ERG: variants seen among roughly 807,000 people sequenced by gnomAD.
The protein encoded by ERG is ETS transcription factor ERG.
In ERG, 9 loss-of-function variants were observed where a neutral mutation model predicts 55.3. The ratio of observed to expected loss-of-function variants is 0.16; its 90% CI spans 0.10 to 0.28. The LOEUF (loss-of-function observed/expected upper bound fraction) is 0.28. Among genes scored for constraint, ERG ranks in the 10% least tolerant of loss-of-function variants. The pLI, the probability that ERG is intolerant of heterozygous loss-of-function variation, is 1.00. For synonymous variants in ERG, 223 were observed against 237.3 expected, an observed-to-expected ratio of 0.94 and a Z score of 0.55; for missense variants, 434 against 631.6, an observed-to-expected ratio of 0.69 and a Z score of 3.35.
intron 1 of ERG, among the ~76,000 whole-genome samples, chr21:38,485,399 G>A (rs1568842588): frequency 1.3e-5 from 2 of 151,166 alleles, no homozygotes; most frequent in Non-Finnish European, 2.9e-5. Context: ...AAAAGTTATA[G>A]TAATCTAATA....
chr21:38,436,790 TG>T, intron 2 of ERG, among the ~76,000 whole-genome samples: 1 of 152,338 alleles, frequency 6.6e-6, no homozygotes, highest in Non-Finnish European at 1.5e-5. Flanking sequence ...CTGTTATTGC[TG>T]GGCCCTGAAC....
chr21:38,391,132 T>G, intron 8 of ERG, 90 bp from the exon 9 acceptor site: 1 of 1,106,254 alleles, frequency 9.0e-7, no homozygotes, highest in Middle Eastern at 2.2e-4. Context: ...TTAATTGTTT[T>G]TTCAGATTTC....
intron 2 of ERG, among the ~76,000 whole-genome samples, chr21:38,565,852 A>G (rs1397485408): frequency 1.3e-5 from 2 of 152,224 alleles, no homozygotes; most frequent in Non-Finnish European, 2.9e-5. Flanking sequence ...AGGCGGGGAC[A>G]TCATCTGTTC....
chr21:38,483,399 T>C (rs1416521910), intron 1 of ERG, among the ~76,000 whole-genome samples: 1 of 152,208 alleles, frequency 6.6e-6, no homozygotes, highest in African/African-American at 2.4e-5. Context: ...CATCATGTTG[T>C]ACACCTTAAA....
chr21:38,609,265 A>G (rs1292077329), intron 1 of ERG, among the ~76,000 whole-genome samples: 1 of 152,198 alleles, frequency 6.6e-6, no homozygotes, highest in Non-Finnish European at 1.5e-5. Context: ...CAATCCAGCT[A>G]GATCTAGCAG....
chr21:38,401,144 C>T (rs1410559544), intron 5 of ERG, among the ~76,000 whole-genome samples: 1 of 152,208 alleles, frequency 6.6e-6, no homozygotes, highest in African/African-American at 2.4e-5. Flanking sequence ...TTGACCAAAA[C>T]TCATGCTGTT....
At chr21:38,398,650 C>A (rs1027514183) in intron 6 of ERG, among the ~76,000 whole-genome samples, 1 of 152,144 alleles carries the variant, frequency 6.6e-6, no homozygotes, top group Admixed American at 6.5e-5. Flanking sequence ...AACATCCTCA[C>A]AGTCACCCTC....
chr21:38,383,595 C>T lies in ERG; in HGVS notation c.1248G>A (p.Pro416=), dbSNP rs1987550033. Residue 416 remains proline, a synonymous_variant, in exon 10 of 10, where the codon CCG becomes CCA. Transcript: ENST00000288319. This position sits in a 1 kb window ranked among gnomAD's most constrained non-coding sequence, Gnocchi z 5.7. The stretch of plus-strand genomic sequence containing the variant: ...GGTGGGCGTGATAGGAGCCCATGTA[C>T]GGGAGGTCTGAGGGGTACTTGTACA... The part of the protein sequence containing the change: ...SSLYKYPSDL[P]YMGSYHAHPQ... 1 of 1,611,014 alleles carries T rather than the reference C, an allele frequency of 6.2e-7. No individual in the cohort carries two copies. The highest frequency in any genetic ancestry group is 1.3e-5 in the African/African-American group (1 of 74,562).
At chr21:38,492,796 C>A (rs974458217) in intron 1 of ERG, among the ~76,000 whole-genome samples, 2 of 151,868 alleles carry the variant, frequency 1.3e-5, no homozygotes, top group African/African-American at 4.8e-5. Flanking sequence ...TAAGCTAGAC[C>A]AAACAGAGAA....
At chr21:38,376,775 G>A (rs1449230335), downstream of ERG, among the ~76,000 whole-genome samples, 1 of 152,234 alleles carries the variant, frequency 6.6e-6, no homozygotes, top group East Asian at 1.9e-4. Context: ...ACCAGGTTAT[G>A]GCCCAGCAGC....
At chr21:38,426,246 T>G (rs1405512750) in intron 2 of ERG, among the ~76,000 whole-genome samples, 1 of 152,252 alleles carries the variant, frequency 6.6e-6, no homozygotes, top group Non-Finnish European at 1.5e-5. Context: ...ATGCTATTTT[T>G]CCTGGCTTCA....
chr21:38,483,842 G>A (rs1413854746), intron 1 of ERG, among the ~76,000 whole-genome samples: 1 of 152,092 alleles, frequency 6.6e-6, no homozygotes, highest in Non-Finnish European at 1.5e-5. Context: ...ATTCCAGCCT[G>A]GGCGACAGAG....
intron 2 of ERG, among the ~76,000 whole-genome samples, chr21:38,529,934 C>G (rs2059660038): frequency 6.6e-6 from 1 of 152,040 alleles, no homozygotes; most frequent in Non-Finnish European, 1.5e-5. Flanking sequence ...CCATTGCACT[C>G]CAGCCTGGGT....
chr21:38,381,784 CCAATGTGAAA>C lies in ERG; in HGVS notation c.*1609_*1618del. On this transcript the variant is annotated 3_prime_UTR_variant, in exon 10 of 10. Coordinates refer to ENST00000288319, the MANE Select transcript of ERG (RefSeq NM_182918.4). ...CATTCCAGGCATAAATATGGAGGCT[CCAATGTGAAA>C]CCCGGGGTCCTTCTGTTCCAAAAGG... The C allele has an allele frequency of 9.4e-7, 1 of 1,063,584 alleles. No individual in the cohort carries two copies. The highest frequency in any genetic ancestry group is 1.1e-6 in the Non-Finnish European group (1 of 878,288). 65.9% of individuals were successfully genotyped at this position (1,063,584 alleles called of 1,614,324 possible).
chr21:38,541,851 C>T (rs1392295939), intron 2 of ERG, among the ~76,000 whole-genome samples: 6 of 152,104 alleles, frequency 3.9e-5, no homozygotes, highest in African/African-American at 1.4e-4. Flanking sequence ...CAGGGAACCA[C>T]CATGGCACAT....
intron 2 of ERG, among the ~76,000 whole-genome samples, chr21:38,537,441 AAT>A (rs1555854661): frequency 0.16 from 8,409 of 52,164 alleles, 338 homozygotes; most frequent in African/African-American, 0.25. Context: ...CAGAAAAAAA[AAT>A]ATATATATAT....
chr21:38,654,571 G>A (rs1410605024), intron 1 of ERG, among the ~76,000 whole-genome samples: 1 of 152,118 alleles, frequency 6.6e-6, no homozygotes, highest in Non-Finnish European at 1.5e-5. Context: ...TTTAGGTAAG[G>A]TTTCAGAATT....
At chr21:38,535,659 C>T (rs796282055) in intron 2 of ERG, among the ~76,000 whole-genome samples, 7 of 152,200 alleles carry the variant, frequency 4.6e-5, no homozygotes, top group African/African-American at 1.7e-4. Flanking sequence ...TATTTAAAGC[C>T]TTGCAAGGAC....
At chr21:38,494,138 C>T (rs191440326) in intron 1 of ERG, among the ~76,000 whole-genome samples, 13 of 152,272 alleles carry the variant, frequency 8.5e-5, no homozygotes, top group African/African-American at 2.4e-4. Context: ...AGTGTGTCTG[C>T]GGCCACGTAA....
Sources: allele counts gnomAD v4.1 joint callset (sites outside exome capture counted in the v4.1 genomes callset), GRCh38; gene constraint gnomAD v4.1.1; non-coding constraint Gnocchi (gnomAD v3.1); transcripts MANE v1.5; gene names NCBI Gene and HGNC (gene_info 2026-07-23, HGNC 2026-07-21).